Variants in CTNNA3 observed in about 807,000 individuals in gnomAD.
CTNNA3 encodes catenin alpha 3.
A neutral mutation model predicts 95.7 loss-of-function variants in CTNNA3; 76 were observed. The observed-to-expected ratio is 0.79, with a 90% CI of 0.66 to 0.96. The LOEUF is 0.96. Among genes scored for constraint, CTNNA3 ranks in the 40% least tolerant of loss-of-function variants. The pLI is 0.00. For synonymous variants in CTNNA3, 431 were observed against 374.4 expected, an observed-to-expected ratio of 1.15 and a Z score of -1.74; for missense variants, 1,191 against 1,089.8, an observed-to-expected ratio of 1.09 and a Z score of -1.31.
chr10:67,726,556 A>T (rs1280586918), intron 1 of CTNNA3, among the ~76,000 whole-genome samples: 3 of 61,264 alleles, frequency 4.9e-5, no homozygotes, highest in Non-Finnish European at 7.5e-5. Flanking sequence ...CATATTATAT[A>T]ATATAATATA....
intron 13 of CTNNA3, among the ~76,000 whole-genome samples, chr10:66,279,678 T>C (rs2091460237): frequency 1.3e-5 from 2 of 152,076 alleles, no homozygotes; most frequent in South Asian, 4.1e-4. Context: ...CTTCTTGGTT[T>C]TCTTCCCCTC....
intron 11 of CTNNA3, among the ~76,000 whole-genome samples, chr10:66,428,488 A>T (rs915973054): frequency 1.3e-5 from 2 of 152,190 alleles, no homozygotes; most frequent in Non-Finnish European, 2.9e-5. Flanking sequence ...TCCAAAATTG[A>T]CCACATAGTT....
At chr10:67,000,050 C>T (rs1297115279) in intron 7 of CTNNA3, among the ~76,000 whole-genome samples, 1 of 152,108 alleles carries the variant, frequency 6.6e-6, no homozygotes, top group African/African-American at 2.4e-5. Flanking sequence ...ACTACTGAAG[C>T]TTTAGTATAC....
chr10:67,042,295 T>A (rs1249416283), intron 7 of CTNNA3, among the ~76,000 whole-genome samples: 2 of 152,026 alleles, frequency 1.3e-5, no homozygotes, highest in African/African-American at 4.8e-5. Flanking sequence ...GGAATGACAT[T>A]TGAGAGGCAG....
intron 13 of CTNNA3, among the ~76,000 whole-genome samples, chr10:66,279,423 C>T (rs2091455772): frequency 6.6e-6 from 1 of 152,060 alleles, no homozygotes; most frequent in Non-Finnish European, 1.5e-5. Context: ...CAGCAAGCAC[C>T]TGCTACCCTG....
intron 9 of CTNNA3, among the ~76,000 whole-genome samples, chr10:66,680,174 TTG>T (rs201187655): frequency 0.041 from 1,425 of 34,790 alleles, 13 homozygotes; most frequent in Middle Eastern, 0.16. Context: ...ATGTTTTTTT[TTG>T]TTTGTTTTTT....
intron 17 of CTNNA3, among the ~76,000 whole-genome samples, chr10:65,922,212 A>T (rs1293472418): frequency 2.6e-5 from 4 of 152,216 alleles, no homozygotes; most frequent in African/African-American, 9.6e-5. Flanking sequence ...TAAATAAATT[A>T]TACTAACCTT....
At chr10:66,614,793 T>C (rs1844452064) in intron 10 of CTNNA3, among the ~76,000 whole-genome samples, 1 of 151,964 alleles carries the variant, frequency 6.6e-6, no homozygotes, top group African/African-American at 2.4e-5. Context: ...ACTTGACTTA[T>C]TTTAGAACCA....
intron 11 of CTNNA3, among the ~76,000 whole-genome samples, chr10:66,422,713 C>T (rs1278713207): frequency 6.6e-6 from 1 of 152,058 alleles, no homozygotes. Flanking sequence ...AATCTAGTCA[C>T]TGAACTGCTG....
At chr10:67,426,174 T>C (rs1845916880) in intron 5 of CTNNA3, among the ~76,000 whole-genome samples, 2 of 152,046 alleles carry the variant, frequency 1.3e-5, no homozygotes. Context: ...AACTAACATA[T>C]GAAGAGATTT....
intron 7 of CTNNA3, among the ~76,000 whole-genome samples, chr10:66,846,551 T>C (rs1564720619): frequency 6.6e-6 from 1 of 151,948 alleles, no homozygotes; most frequent in Non-Finnish European, 1.5e-5. Flanking sequence ...TATATACATA[T>C]ATCAAAACAT....
intron 11 of CTNNA3, among the ~76,000 whole-genome samples, chr10:66,472,343 C>T (rs535109411): frequency 2.6e-5 from 4 of 151,958 alleles, no homozygotes; most frequent in African/African-American, 4.8e-5. Flanking sequence ...GACTCTGGAA[C>T]ATTCTGTATT....
At chr10:67,197,765 A>T (rs1863445906) in intron 6 of CTNNA3, among the ~76,000 whole-genome samples, 1 of 152,150 alleles carries the variant, frequency 6.6e-6, no homozygotes, top group South Asian at 2.1e-4. Context: ...AGTTAAATAG[A>T]AATTAACTCA....
intron 9 of CTNNA3, among the ~76,000 whole-genome samples, chr10:66,649,067 A>G (rs1010366361): frequency 7.2e-5 from 11 of 152,162 alleles, no homozygotes; most frequent in African/African-American, 2.4e-4. Context: ...CCAGAGAGGT[A>G]GAAGGAAAAT....
At chr10:67,362,955 C>T (rs1167037564) in intron 5 of CTNNA3, among the ~76,000 whole-genome samples, 1 of 151,972 alleles carries the variant, frequency 6.6e-6, no homozygotes, top group Admixed American at 6.6e-5. Flanking sequence ...CATTTCTATA[C>T]ACCAATAACA....
At chr10:66,469,447 G>A (rs1313147207) in intron 11 of CTNNA3, among the ~76,000 whole-genome samples, 1 of 151,746 alleles carries the variant, frequency 6.6e-6, no homozygotes, top group African/African-American at 2.4e-5. Context: ...AACAAGAGTG[G>A]CACAAGAAAA....
At chr10:67,569,787 T>G (rs1338397714) in intron 3 of CTNNA3, among the ~76,000 whole-genome samples, 1 of 152,166 alleles carries the variant, frequency 6.6e-6, no homozygotes, top group Non-Finnish European at 1.5e-5. Context: ...TGACTGTTTC[T>G]TCTCATCCCT....
At position 66,914,157 on chromosome 10, in the gene CTNNA3, G is replaced by T. The variant is rs1203158228; in HGVS notation, c.1048-138633C>A. On this transcript the variant is annotated intron_variant, in intron 7 of 17. Transcript: ENST00000433211. ...TTTTTTTTTTTTTTTTTGAGACAGA[G>T]TCTCACTCTGTCCCCCAGGCTGGAG... 2.3e-4 allele frequency among the ~76,000 whole-genome samples: 31 copies of T among 137,102 alleles called. 1 individual carries two copies. The highest frequency in any genetic ancestry group is 8.7e-4 in the African/African-American group (31 of 35,534). The allele number at this position is 137,102 out of a possible 152,430, so 89.9% of individuals were successfully genotyped here. A position where few individuals can be genotyped will look rare whatever the true frequency, so the allele number is the denominator to read the frequency against.
intron 7 of CTNNA3, among the ~76,000 whole-genome samples, chr10:66,966,990 T>C (rs1450946963): frequency 1.3e-5 from 2 of 152,064 alleles, no homozygotes; most frequent in Admixed American, 1.3e-4. Flanking sequence ...ACATTTGATA[T>C]ATGCTATTGC....
Sources: allele counts gnomAD v4.1 joint callset (sites outside exome capture counted in the v4.1 genomes callset), GRCh38; gene constraint gnomAD v4.1.1; transcripts MANE v1.5; gene names NCBI Gene and HGNC (gene_info 2026-07-23, HGNC 2026-07-21).